Variants in SMARCD3 observed in about 807,000 individuals in gnomAD.
SMARCD3 encodes SWI/SNF related BAF chromatin remodeling complex subunit D3.
Under a neutral mutation model 58.0 loss-of-function variants are expected in SMARCD3, and 14 were observed. That is an observed-to-expected ratio of 0.24 (90% confidence interval 0.16 to 0.38). The LOEUF (loss-of-function observed/expected upper bound fraction) is 0.38, where lower values mean the gene tolerates loss of function less well. Among genes scored for constraint, SMARCD3 ranks in the 10% least tolerant of loss-of-function variants. The pLI, the probability that SMARCD3 is intolerant of heterozygous loss-of-function variation, is 1.00. For missense variants in SMARCD3, 408 were observed against 636.9 expected, an observed-to-expected ratio of 0.64 and a Z score of 3.87; for synonymous variants, 253 against 253.8, an observed-to-expected ratio of 1.00 and a Z score of 0.03.
Position 151,242,350 on chromosome 7 carries a change from A to G in SMARCD3, c.580-118T>C. On this transcript the variant is annotated intron_variant, in intron 5 of 12. Transcript: ENST00000262188. This position sits in a 1 kb window ranked among gnomAD's most constrained non-coding sequence, Gnocchi z 4.7. ...CTTAGATGAAATCCTCTGCACTTGG[A>G]ATGTCTCTAGGCCTGCCCCTCCACC... 6.9e-7 allele frequency: 1 copy of G among 1,442,586 alleles called. No homozygotes were observed. The highest frequency in any genetic ancestry group is 1.2e-5 in the South Asian group (1 of 85,614). The allele number at this position is 1,442,586 out of a possible 1,614,324, so 89.4% of individuals were successfully genotyped here.
chr7:151,261,585 T>C (rs1314337006), intron 2 of SMARCD3, among the ~76,000 whole-genome samples: 1 of 152,142 alleles, frequency 6.6e-6, no homozygotes, highest in East Asian at 1.9e-4. Context: ...TGGCACAGGG[T>C]CAACACTTAA....
In SMARCD3 at chr7:151,238,840, G is replaced by A. The variant is rs1443027386; in HGVS notation, c.*263C>T. 2.7e-6 allele frequency: 4 copies of A among 1,496,654 alleles called. No homozygotes were observed. Among genetic ancestry groups the A allele is most frequent in the African/African-American group, 1.4e-5 (1 of 72,152 alleles). 92.7% of individuals were successfully genotyped at this position (1,496,654 alleles called of 1,614,324 possible). A position where few individuals can be genotyped will look rare whatever the true frequency, so the allele number is the denominator to read the frequency against. ...CTGCCAAACTGTTTTTAGGTCTAGGGAAAATTGAGTAAGGAGAAGAATCCA... is the reference window on the plus strand; with the variant it reads ...CTGCCAAACTGTTTTTAGGTCTAGGAAAAATTGAGTAAGGAGAAGAATCCA... On this transcript the variant is annotated 3_prime_UTR_variant, in exon 13 of 13. Coordinates refer to ENST00000262188, the MANE Select transcript of SMARCD3 (RefSeq NM_001003801.2).
chr7:151,246,820 G>C lies in SMARCD3; in HGVS notation c.79-1149C>G, dbSNP rs1803287589. 6.6e-6 allele frequency among the ~76,000 whole-genome samples: 1 copy of C among 152,150 alleles called. No individual in the cohort carries two copies. Among genetic ancestry groups the C allele is most frequent in the Admixed American group, 6.5e-5 (1 of 15,280 alleles). ...AGAGAGTTTCAGGGGCTGTGAAACAGAAAGAGCGGGGTGGGATGGGGACTG... is the reference window on the plus strand; with the variant it reads ...AGAGAGTTTCAGGGGCTGTGAAACACAAAGAGCGGGGTGGGATGGGGACTG... On this transcript the variant is annotated intron_variant, in intron 1 of 12. Transcript: ENST00000262188. The surrounding 1 kb of genome is among the most constrained non-coding windows in gnomAD (Gnocchi z 4.4).
intron 2 of SMARCD3, among the ~76,000 whole-genome samples, chr7:151,263,554 G>T (rs1275896264): frequency 6.6e-6 from 1 of 152,140 alleles, no homozygotes. Flanking sequence ...CCTCAGCCCA[G>T]CTCCAGGGTC....
chr7:151,248,925 C>A, upstream of SMARCD3: 1 of 155,860 alleles, frequency 6.4e-6, no homozygotes, highest in South Asian at 1.9e-4. The surrounding 1 kb of genome is among the most constrained non-coding windows in gnomAD (Gnocchi z 6.1). Flanking sequence ...CCAGCCCGGC[C>A]GCGGGCGCTG....
intron 2 of SMARCD3, among the ~76,000 whole-genome samples, chr7:151,254,847 A>C (rs1803649215): frequency 6.6e-6 from 1 of 152,218 alleles, no homozygotes; most frequent in East Asian, 1.9e-4. Context: ...GATTCCTGCC[A>C]ATCACTGCAT....
exon 2 of SMARCD3, chr7:151,275,164 T>C: frequency 4.3e-6 from 7 of 1,611,062 alleles, no homozygotes; most frequent in Non-Finnish European, 5.9e-6. Context: ...GATGGCAGGG[T>C]CCTGCACCTG....
At chr7:151,264,033 T>G (rs937133409) in intron 2 of SMARCD3, among the ~76,000 whole-genome samples, 3 of 151,562 alleles carry the variant, frequency 2.0e-5, no homozygotes, top group Non-Finnish European at 2.9e-5. Context: ...CCACTGGGTC[T>G]GAAGGTCAGG....
rs139896646 is a variant in SMARCD3 at position 151,241,592 on chromosome 7, C to T, written c.839G>A (p.Arg280His). 8.7e-6 allele frequency: 14 copies of T among 1,610,748 alleles called. No homozygotes were observed. Among genetic ancestry groups the T allele is most frequent in the Admixed American group, 1.7e-5 (1 of 59,492 alleles). Residue 280 changes from arginine to histidine, a missense_variant, in exon 8 of 13, where the codon CGC becomes CAC. Around this residue, in one of 4 missense-constraint regions of SMARCD3, gnomAD observed 115 missense variants for 257.2 expected, o/e 0.45. Transcript: ENST00000262188. This position sits in a 1 kb window ranked among gnomAD's most constrained non-coding sequence, Gnocchi z 5.3. ...CCACAGGGCCTGGACAATGGCTGAG[C>T]GGCTCTGTGTGTGCAGCCCCAGCAG... ...ARLLGLHTQS[R>H]SAIVQALWQY...
chr7:151,242,906 A>T lies in SMARCD3; in HGVS notation c.334-63T>A, dbSNP rs139205585. On this transcript the variant is annotated intron_variant, in intron 3 of 12. Transcript: ENST00000262188. This position sits in a 1 kb window ranked among gnomAD's most constrained non-coding sequence, Gnocchi z 4.7. ...AGTCCAGGGTTGTACCATGGAATGT[A>T]TGCATGTTGTGCAATCCTAGGGTAC... 3.8e-6 allele frequency: 6 copies of T among 1,590,228 alleles called. No individual in the cohort carries two copies. The highest frequency in any genetic ancestry group is 5.1e-6 in the Non-Finnish European group (6 of 1,168,000).
rs536736645 is a variant in SMARCD3, at chr7:151,243,622, G to T, written c.333+37C>A. 1.9e-5 allele frequency: 22 copies of T among 1,164,778 alleles called. No homozygotes were observed. The highest frequency in any genetic ancestry group is 1.8e-5 in the Non-Finnish European group (14 of 771,794). 72.2% of individuals were successfully genotyped at this position (1,164,778 alleles called of 1,614,324 possible). ...AGGGGAGGGCGGAGCAGCAAAGGGT[G>T]GGGGGTGGGCTGGGGGCTGCTGTGA... On this transcript the variant is annotated intron_variant, in intron 3 of 12. Coordinates refer to ENST00000262188, the MANE Select transcript of SMARCD3 (RefSeq NM_001003801.2). The surrounding 1 kb of genome is among the most constrained non-coding windows in gnomAD (Gnocchi z 4.4).
In SMARCD3 at chr7:151,238,838, G is replaced by C; in HGVS notation, c.*265C>G. 6.6e-7 allele frequency: 1 copy of C among 1,505,798 alleles called. No individual in the cohort carries two copies. The highest frequency in any genetic ancestry group is 8.9e-7 in the Non-Finnish European group (1 of 1,119,862). 93.3% of individuals were successfully genotyped at this position (1,505,798 alleles called of 1,614,324 possible). A position where few individuals can be genotyped will look rare whatever the true frequency, so the allele number is the denominator to read the frequency against. ...TTCTGCCAAACTGTTTTTAGGTCTA[G>C]GGAAAATTGAGTAAGGAGAAGAATC... On this transcript the variant is annotated 3_prime_UTR_variant, in exon 13 of 13. Coordinates refer to ENST00000262188, the MANE Select transcript of SMARCD3 (RefSeq NM_001003801.2).
intron 2 of SMARCD3, among the ~76,000 whole-genome samples, chr7:151,272,676 G>A (rs1426983795): frequency 6.6e-6 from 1 of 152,136 alleles, no homozygotes; most frequent in African/African-American, 2.4e-5. Flanking sequence ...AACCGAACGC[G>A]CTATCCCAAA....
chr7:151,239,795 A>C lies in SMARCD3; in HGVS notation c.1174-49T>G. The C allele has an allele frequency of 6.3e-7, 1 of 1,588,120 alleles. No individual in the cohort carries two copies. Among genetic ancestry groups the C allele is most frequent in the Non-Finnish European group, 8.6e-7 (1 of 1,158,816 alleles). On this transcript the variant is annotated intron_variant, in intron 10 of 12. Coordinates refer to ENST00000262188, the MANE Select transcript of SMARCD3 (RefSeq NM_001003801.2). This position sits in a 1 kb window ranked among gnomAD's most constrained non-coding sequence, Gnocchi z 7.0. The stretch of plus-strand genomic sequence containing the variant: ...TTCCACCTGGCTTTGGTGATGTGGG[A>C]GACGAGGGGAAAGGAAGCGGGTGGG...
Position 151,242,685 on chromosome 7 carries a change from C to G in SMARCD3, c.456+36G>C. 6.2e-7 allele frequency: 1 copy of G among 1,613,922 alleles called. No individual in the cohort carries two copies. Among genetic ancestry groups the G allele is most frequent in the Non-Finnish European group, 8.5e-7 (1 of 1,179,892 alleles). On this transcript the variant is annotated intron_variant, in intron 4 of 12. Transcript: ENST00000262188. The surrounding 1 kb of genome is among the most constrained non-coding windows in gnomAD (Gnocchi z 4.7). ...CTGCTTCCCCATCCTGGTCACACAA[C>G]TCTAGAGTCCCCTTCCTACCCCCGA...
upstream of SMARCD3, chr7:151,248,789 C>G: frequency 1.4e-6 from 1 of 693,052 alleles, no homozygotes; most frequent in Non-Finnish European, 1.8e-6. The surrounding 1 kb of genome is among the most constrained non-coding windows in gnomAD (Gnocchi z 6.1). Flanking sequence ...CTGCCGCATT[C>G]CTGCACTGAT....
rs1295064879 is a variant in SMARCD3 at position 151,241,760 on chromosome 7, C to G, written c.778-107G>C. The G allele has an allele frequency of 7.2e-7, 1 of 1,393,012 alleles. No individual in the cohort carries two copies. Among genetic ancestry groups the G allele is most frequent in the East Asian group, 2.4e-5 (1 of 41,294 alleles). The allele number at this position is 1,393,012 out of a possible 1,614,324, so 86.3% of individuals were successfully genotyped here. ...ATGTGTTGATTGAGGAAACATGCCC[C>G]TGGGGAAGGATAGGTTTGGGAGGGG... On this transcript the variant is annotated intron_variant, in intron 7 of 12. Transcript: ENST00000262188. The surrounding 1 kb of genome is among the most constrained non-coding windows in gnomAD (Gnocchi z 5.3).
intron 8 of SMARCD3, chr7:151,240,790 T>G (rs972740303): frequency 2.2e-6 from 1 of 465,080 alleles, no homozygotes. Flanking sequence ...CTCTGCCACT[T>G]ACTATGCAAC....
At chr7:151,267,440 C>T (rs1427524858) in intron 2 of SMARCD3, among the ~76,000 whole-genome samples, 1 of 152,224 alleles carries the variant, frequency 6.6e-6, no homozygotes, top group Non-Finnish European at 1.5e-5. Context: ...TATCTGACTG[C>T]TCCCCCATTC....
Sources: allele counts gnomAD v4.1 joint callset (sites outside exome capture counted in the v4.1 genomes callset), GRCh38; gene constraint gnomAD v4.1.1; regional missense constraint gnomAD v4.1.1; non-coding constraint Gnocchi (gnomAD v3.1); transcripts MANE v1.5; gene names NCBI Gene and HGNC (gene_info 2026-07-23, HGNC 2026-07-21).